Variants in NEGR1 observed in about 807,000 individuals in gnomAD.
NEGR1 encodes the protein IgLON family member 4.
Under a neutral mutation model 40.9 loss-of-function variants are expected in NEGR1, and 10 were observed. That is an observed-to-expected ratio of 0.24 (90% confidence interval 0.15 to 0.42). The LOEUF (loss-of-function observed/expected upper bound fraction) is 0.42, where lower values mean the gene tolerates loss of function less well. NEGR1 is among the 10% of genes least tolerant of loss of function. The pLI is 1.00. For missense variants in NEGR1, 352 were observed against 438.9 expected (o/e 0.80, Z 1.77); for synonymous variants, 185 against 166.8 (o/e 1.11, Z -0.84).
intron 2 of NEGR1, among the ~76,000 whole-genome samples, chr1:71,856,735 C>T (rs530310833): frequency 6.6e-6 from 1 of 152,136 alleles, no homozygotes; most frequent in African/African-American, 2.4e-5. Flanking sequence ...AAATACTCTA[C>T]AAAACCCCAA....
intron 3 of NEGR1, among the ~76,000 whole-genome samples, chr1:71,729,199 C>A (rs1222774384): frequency 6.6e-6 from 1 of 152,068 alleles, no homozygotes; most frequent in Non-Finnish European, 1.5e-5. Flanking sequence ...GCTCCTCACA[C>A]CACCAGTTGT....
At chr1:71,608,460 T>C (rs918350176) in intron 5 of NEGR1, among the ~76,000 whole-genome samples, 1 of 148,408 alleles carries the variant, frequency 6.7e-6, no homozygotes, top group African/African-American at 2.5e-5. Flanking sequence ...CTATATTTAC[T>C]ATAGGCCAAG....
At chr1:71,530,939 C>A (rs560688916) in intron 6 of NEGR1, among the ~76,000 whole-genome samples, 1 of 151,080 alleles carries the variant, frequency 6.6e-6, no homozygotes, top group Admixed American at 6.6e-5. Context: ...ACCTACACTT[C>A]TATCATACTA....
chr1:71,654,559 T>C (rs750428986), intron 4 of NEGR1, among the ~76,000 whole-genome samples: 20 of 152,268 alleles, frequency 1.3e-4, no homozygotes, highest in Non-Finnish European at 2.2e-4. Flanking sequence ...TTAACTCACA[T>C]TGATATCCTT....
At chr1:72,111,766 T>C (rs1238722715) in intron 1 of NEGR1, among the ~76,000 whole-genome samples, 1 of 151,844 alleles carries the variant, frequency 6.6e-6, no homozygotes, top group Non-Finnish European at 1.5e-5. Context: ...GTAAGAGATT[T>C]ACCGACTTTG....
intron 1 of NEGR1, among the ~76,000 whole-genome samples, chr1:72,232,329 C>T (rs900248173): frequency 6.6e-6 from 1 of 150,980 alleles, no homozygotes; most frequent in Non-Finnish European, 1.5e-5. Context: ...TGACTCCAGC[C>T]TGGGTGACAG....
At chr1:71,626,435 C>T (rs1334140766) in intron 4 of NEGR1, among the ~76,000 whole-genome samples, 1 of 140,544 alleles carries the variant, frequency 7.1e-6, no homozygotes, top group Non-Finnish European at 1.5e-5. Flanking sequence ...TTGTTCAATT[C>T]CCACCTATGA....
chr1:71,909,157 C>G (rs922582843), intron 2 of NEGR1, among the ~76,000 whole-genome samples: 1 of 151,980 alleles, frequency 6.6e-6, no homozygotes, highest in Non-Finnish European at 1.5e-5. Flanking sequence ...TGGGCACAAT[C>G]CTAAAGATGA....
intron 4 of NEGR1, among the ~76,000 whole-genome samples, chr1:71,670,764 C>A (rs1359205015): frequency 6.6e-6 from 1 of 150,874 alleles, no homozygotes; most frequent in African/African-American, 2.5e-5. Context: ...AAAATTTCAA[C>A]AACAATTCTG....
chr1:71,686,670 G>C (rs1653051045), intron 4 of NEGR1, among the ~76,000 whole-genome samples: 1 of 152,104 alleles, frequency 6.6e-6, no homozygotes, highest in African/African-American at 2.4e-5. Context: ...GCAGGAAGAA[G>C]ATGAAAACAG....
intron 4 of NEGR1, among the ~76,000 whole-genome samples, chr1:71,654,273 T>C (rs1570156461): frequency 6.6e-6 from 1 of 152,182 alleles, no homozygotes; most frequent in East Asian, 1.9e-4. Context: ...TGTAATGATA[T>C]ATGACATTAT....
At chr1:72,132,585 T>C (rs185045987) in intron 1 of NEGR1, among the ~76,000 whole-genome samples, 3 of 152,310 alleles carry the variant, frequency 2.0e-5, no homozygotes, top group Non-Finnish European at 4.4e-5. Context: ...TTAATAAATA[T>C]GATACTGCTA....
intron 1 of NEGR1, among the ~76,000 whole-genome samples, chr1:71,973,188 C>A (rs1040757012): frequency 9.2e-5 from 14 of 151,954 alleles, no homozygotes; most frequent in African/African-American, 3.1e-4. Flanking sequence ...TGGTGGCGGG[C>A]GCCTGTAGTC....
chr1:71,754,812 A>G (rs1453625376), intron 3 of NEGR1, among the ~76,000 whole-genome samples: 1 of 152,174 alleles, frequency 6.6e-6, no homozygotes, highest in East Asian at 1.9e-4. Context: ...CTTTCTGATT[A>G]CTAAACCCCT....
chr1:72,261,680 C>T (rs558009893), intron 1 of NEGR1, among the ~76,000 whole-genome samples: 9 of 152,124 alleles, frequency 5.9e-5, no homozygotes, highest in East Asian at 5.8e-4. Flanking sequence ...TGGGATACTA[C>T]TCAGCCACAG....
intron 1 of NEGR1, among the ~76,000 whole-genome samples, chr1:72,237,112 A>G (rs752578951): frequency 1.4e-4 from 21 of 151,958 alleles, no homozygotes; most frequent in Non-Finnish European, 2.4e-4. Context: ...TAAAGGTTAA[A>G]GTAGAGAAAA....
At chr1:72,134,216 T>C (rs1650363290) in intron 1 of NEGR1, among the ~76,000 whole-genome samples, 1 of 150,972 alleles carries the variant, frequency 6.6e-6, no homozygotes, top group African/African-American at 2.4e-5. Flanking sequence ...TTTTTTTCTT[T>C]TTTTTTTTTT....
intron 1 of NEGR1, among the ~76,000 whole-genome samples, chr1:72,026,110 CAAAAAAAAAAAAA>C (rs1172589239): frequency 1.9e-4 from 6 of 31,140 alleles, no homozygotes; most frequent in African/African-American, 2.8e-4. Flanking sequence ...GACTCCGTCT[CAAAAAAAAAAAAA>C]AAAAAAAAAA....
At chr1:71,965,783 A>G (rs1646204995) in intron 1 of NEGR1, among the ~76,000 whole-genome samples, 1 of 152,198 alleles carries the variant, frequency 6.6e-6, no homozygotes, top group African/African-American at 2.4e-5. Flanking sequence ...TCAGATCTAA[A>G]TCACCTGAAA....
Sources: allele counts gnomAD v4.1 joint callset (sites outside exome capture counted in the v4.1 genomes callset), GRCh38; gene constraint gnomAD v4.1.1; transcripts MANE v1.5; gene names NCBI Gene and HGNC (gene_info 2026-07-23, HGNC 2026-07-21).